PCDHA5: variants seen among roughly 807,000 people sequenced by gnomAD.
PCDHA5 encodes protocadherin alpha-5.
Under a neutral mutation model 61.6 loss-of-function variants are expected in PCDHA5, and 43 were observed. The observed-to-expected ratio is 0.70, with a 90% confidence interval of 0.55 to 0.90. PCDHA5 has a LOEUF of 0.90. Ranked by LOEUF, PCDHA5 falls within the 40% of genes least tolerant of loss-of-function variation. PCDHA5 has a pLI of 0.00. For synonymous variants in PCDHA5, 627 were observed against 543.9 expected (o/e 1.15, Z -2.13); for missense variants, 1,298 against 1,222.7 (o/e 1.06, Z -0.92).
At position 140,855,779 on chromosome 5, in the gene PCDHA5, A is replaced by T. The variant is rs1017564312; in HGVS notation, c.2352+31652A>T. On this transcript the variant is annotated intron_variant, in intron 1 of 3. Transcript: ENST00000529859. ...AAAGTCCATAGACATAAAAATACGT[A>T]AAAAAAGAATTAACATATGAATGAA... is the stretch of plus-strand genomic sequence containing the variant. 1.2e-5 allele frequency: 5 copies of T among 408,902 alleles called. 1 individual carries two copies. Among genetic ancestry groups the T allele is most frequent in the African/African-American group, 2.0e-5 (1 of 49,354 alleles). The allele number at this position is 408,902 out of a possible 1,614,324, so 25.3% of individuals were successfully genotyped here.
In PCDHA5 at chr5:140,822,311, T is replaced by TA. The variant is rs1356931430; in HGVS notation, c.537dup (p.Asp180ArgfsTer3). On this transcript the variant is annotated frameshift_variant, in exon 1 of 4. Coordinates refer to ENST00000529859, the MANE Select transcript of PCDHA5 (RefSeq NM_018908.3). LOFTEE classifies it high-confidence loss of function. ...TTAAATCCAAACGAATATTTTGACT[T>TA]AGATGTTAAAACAAATGAAGAAGAA... 2 of 1,614,072 alleles carry TA rather than the reference T, an allele frequency of 1.2e-6. No individual in the cohort carries two copies. Among genetic ancestry groups the TA allele is most frequent in the African/African-American group, 2.7e-5 (2 of 74,934 alleles).
chr5:140,823,642 G>T lies in PCDHA5; in HGVS notation c.1867G>T (p.Val623Leu), dbSNP rs138093911. The T allele has an allele frequency of 3.7e-6, 6 of 1,614,036 alleles. No individual in the cohort carries two copies. Among genetic ancestry groups the T allele is most frequent in the Non-Finnish European group, 5.1e-6 (6 of 1,179,960 alleles). ...APGSARIPFR[V>L]GLYTGEISTT... ...TGGCAGTGCGCGCATCCCGTTCCGCGTGGGGCTGTACACAGGCGAGATCAG... is the reference window on the plus strand; with the variant it reads ...TGGCAGTGCGCGCATCCCGTTCCGCTTGGGGCTGTACACAGGCGAGATCAG... Residue 623 changes from valine to leucine, a missense_variant, in exon 1 of 4, where the codon GTG (valine) becomes TTG (leucine). Transcript: ENST00000529859.
chr5:140,941,225 T>TTC (rs2092914120), intron 1 of PCDHA5, among the ~76,000 whole-genome samples: 17 of 138,026 alleles, frequency 1.2e-4, no homozygotes, highest in African/African-American at 4.7e-4. Context: ...CTTTCTTTCT[T>TTC]TCTTTCTTTC....
rs1724453792 is a variant in PCDHA5 at position 140,824,012 on chromosome 5, G to T, written c.2237G>T (p.Ser746Ile). The change falls in exon 1 of 4, where the codon AGC becomes ATC. Residue 746 changes from serine to isoleucine, a missense_variant. Physicochemically the swap from Ser to Ile is moderately radical, Grantham distance 142 (BLOSUM62 -2). Coordinates refer to ENST00000529859, the MANE Select transcript of PCDHA5 (RefSeq NM_018908.3). ...PTLLCSSAVG[S>I]WSYSQQRRQR... is the part of the protein sequence containing the mutation. Reference sequence around the variant, plus strand: ...CTGTTGTGCTCCAGCGCGGTGGGGAGCTGGTCGTACTCGCAGCAGAGGAGA... The same window carrying T: ...CTGTTGTGCTCCAGCGCGGTGGGGATCTGGTCGTACTCGCAGCAGAGGAGA... 2 of 1,614,140 alleles carry T rather than the reference G, an allele frequency of 1.2e-6. No individual in the cohort carries two copies. Among genetic ancestry groups the T allele is most frequent in the South Asian group, 1.1e-5 (1 of 91,076 alleles).
rs931844758 is a variant in PCDHA5 at position 140,867,293 on chromosome 5, A to G, written c.2352+43166A>G. 2.6e-5 allele frequency: 4 copies of G among 152,096 alleles called. No homozygotes were observed. The South Asian group carries it at 6.2e-4, about 24-fold the overall frequency. The allele number at this position is 152,096 out of a possible 1,614,324, so 9.4% of individuals were successfully genotyped here. The stretch of plus-strand genomic sequence containing the variant: ...ATAAACCTGATGTGCTTCAAATATC[A>G]TGTTGAATATACTGTCATCTGGTCT... On this transcript the variant is annotated intron_variant, in intron 1 of 3. Coordinates refer to ENST00000529859, the MANE Select transcript of PCDHA5 (RefSeq NM_018908.3).
rs1554262648 is a variant in PCDHA5, at chr5:141,010,047, A to G, written c.*110A>G. On this transcript the variant is annotated 3_prime_UTR_variant, in exon 4 of 4. Coordinates refer to ENST00000529859, the MANE Select transcript of PCDHA5 (RefSeq NM_018908.3). The stretch of plus-strand genomic sequence containing the variant: ...CCTATCTACATGAGCCCTCTTAGAG[A>G]CCTCAGAAATCTGCAGAAAGTTCCC... 1.9e-6 allele frequency: 3 copies of G among 1,595,144 alleles called. No homozygotes were observed. The highest frequency in any genetic ancestry group is 1.7e-6 in the Non-Finnish European group (2 of 1,171,458).
At chr5:140,829,999 C>A in intron 1 of PCDHA5, 2 of 1,613,998 alleles carry the variant, frequency 1.2e-6, no homozygotes. Flanking sequence ...CCACTCGTGT[C>A]CTGGACGAAG....
intron 1 of PCDHA5, among the ~76,000 whole-genome samples, chr5:140,942,620 A>T (rs1304224304): frequency 1.4e-4 from 4 of 28,710 alleles, no homozygotes; most frequent in Admixed American, 3.3e-4. Context: ...TGCCAATTGT[A>T]AAAAAAAAAA....
intron 1 of PCDHA5, among the ~76,000 whole-genome samples, chr5:140,960,124 T>C (rs966679082): frequency 3.3e-5 from 5 of 152,216 alleles, no homozygotes; most frequent in African/African-American, 1.2e-4. Flanking sequence ...GTATTCCTTA[T>C]GAAATACTTA....
At chr5:140,968,106 C>T (rs1554230344) in intron 1 of PCDHA5, 8 of 1,614,016 alleles carry the variant, frequency 5.0e-6, no homozygotes, top group East Asian at 2.2e-5. Flanking sequence ...GGGGGAATAC[C>T]GCAGCTCACA....
intron 1 of PCDHA5, among the ~76,000 whole-genome samples, chr5:140,845,577 T>C (rs2150380022): frequency 1.3e-5 from 2 of 149,706 alleles, no homozygotes; most frequent in East Asian, 1.9e-4. Context: ...ATTTCTGGGA[T>C]TGAAATGTGT....
At chr5:140,895,250 T>G (rs2153449407) in intron 1 of PCDHA5, among the ~76,000 whole-genome samples, 1 of 152,318 alleles carries the variant, frequency 6.6e-6, no homozygotes, top group African/African-American at 2.4e-5. Flanking sequence ...TTTTCAAAGC[T>G]TTCTTTTTTT....
intron 1 of PCDHA5, among the ~76,000 whole-genome samples, chr5:140,975,935 C>T (rs1351802479): frequency 6.6e-6 from 1 of 152,060 alleles, no homozygotes; most frequent in East Asian, 1.9e-4. Flanking sequence ...ACCTTTGAAG[C>T]AATAGGACAT....
rs561828077 is a variant in PCDHA5 at position 140,908,632 on chromosome 5, C to T, written c.2353-70317C>T. On this transcript the variant is annotated intron_variant, in intron 1 of 3. Transcript: ENST00000529859. ...TGCTCCAAAATCCTTGAGGTCTCCA[C>T]TGTGATTCACTTATGGGGGCCTGCC... Among the ~76,000 whole-genome samples the T allele has an allele frequency of 9.8e-5, 15 of 152,318 alleles. No individual in the cohort carries two copies. In the East Asian group the frequency reaches 2.9e-3, roughly 29 times the overall value.
intron 1 of PCDHA5, among the ~76,000 whole-genome samples, chr5:140,880,397 A>C (rs1420314604): frequency 6.6e-6 from 1 of 152,246 alleles, no homozygotes; most frequent in Non-Finnish European, 1.5e-5. Context: ...TTTTAAGAGC[A>C]TATGGTTGAC....
intron 1 of PCDHA5, chr5:140,926,761 T>G: frequency 7.6e-7 from 1 of 1,323,628 alleles, no homozygotes; most frequent in East Asian, 2.8e-5. Context: ...TCGCTGAGTA[T>G]CCAGCCCGCA....
In PCDHA5 at chr5:140,841,967, G is replaced by T. The variant is rs1270523059; in HGVS notation, c.2352+17840G>T. On this transcript the variant is annotated intron_variant, in intron 1 of 3. Coordinates refer to ENST00000529859, the MANE Select transcript of PCDHA5 (RefSeq NM_018908.3). Reference sequence around the variant, plus strand: ...GCACCACTTATTCCTGACAGCCACAGATGGGGGCAAACCTGAGCTCACAGG... The same window carrying T: ...GCACCACTTATTCCTGACAGCCACATATGGGGGCAAACCTGAGCTCACAGG... The T allele has an allele frequency of 4.3e-6, 7 of 1,613,816 alleles. No homozygotes were observed. The Admixed American group carries it at 1.2e-4, about 27-fold the overall frequency.
intron 1 of PCDHA5, among the ~76,000 whole-genome samples, chr5:140,962,827 C>T (rs1229108981): frequency 6.6e-6 from 1 of 152,164 alleles, no homozygotes; most frequent in East Asian, 1.9e-4. Flanking sequence ...GACCATTTGT[C>T]TCTTTTTTAT....
chr5:140,858,142 G>A lies in PCDHA5; in HGVS notation c.2352+34015G>A, dbSNP rs782422253. 2.5e-6 allele frequency: 4 copies of A among 1,597,702 alleles called. No individual in the cohort carries two copies. The South Asian group carries it at 3.3e-5, about 13-fold the overall frequency. On this transcript the variant is annotated intron_variant, in intron 1 of 3. Transcript: ENST00000529859. The stretch of plus-strand genomic sequence containing the variant: ...CCCTGGTGGATGTCAACGTGTACCT[G>A]ATCATCGCCATCTGCGCGGTGTCCA...
Sources: allele counts gnomAD v4.1 joint callset (sites outside exome capture counted in the v4.1 genomes callset), GRCh38; gene constraint gnomAD v4.1.1; transcripts MANE v1.5; gene names NCBI Gene and HGNC (gene_info 2026-07-23, HGNC 2026-07-21).